PCBP3: variants seen among roughly 807,000 people sequenced by gnomAD.
PCBP3 encodes poly(rC) binding protein 3.
PCBP3 carries 25 observed loss-of-function variants against 52.7 expected under a neutral mutation model. The observed-to-expected ratio is 0.47, with a 90% CI of 0.35 to 0.66. PCBP3 has a LOEUF of 0.66. Ranked by LOEUF, PCBP3 falls within the 30% of genes least tolerant of loss-of-function variation. The pLI is 0.01. For synonymous variants in PCBP3, 162 were observed against 183.0 expected (o/e 0.89, Z 0.93); for missense variants, 391 against 490.3 (o/e 0.80, Z 1.91).
intron 1 of PCBP3, among the ~76,000 whole-genome samples, chr21:45,646,113 G>GTCTCTCTCTCTCTCTC: frequency 8.8e-6 from 1 of 113,864 alleles, no homozygotes; most frequent in South Asian, 3.0e-4. Flanking sequence ...CTCTCTGTGT[G>GTCTCTCTCTCTCTCTC]TGTGTGTGTG....
chr21:45,774,872 T>C (rs1343210872), intron 4 of PCBP3, among the ~76,000 whole-genome samples: 1 of 152,208 alleles, frequency 6.6e-6, no homozygotes. Flanking sequence ...CTCACTTGAT[T>C]ATGGTGTATT....
intron 4 of PCBP3, among the ~76,000 whole-genome samples, chr21:45,823,811 G>C (rs528608739): frequency 2.0e-5 from 3 of 151,902 alleles, no homozygotes; most frequent in South Asian, 2.1e-4. Flanking sequence ...GCATGATCTC[G>C]ACTCACTGCA....
At chr21:45,864,436 A>G (rs954442942) in intron 5 of PCBP3, among the ~76,000 whole-genome samples, 3 of 152,250 alleles carry the variant, frequency 2.0e-5, no homozygotes, top group African/African-American at 7.2e-5. Flanking sequence ...CAGGGAATGC[A>G]TAATACTTCA....
intron 2 of PCBP3, among the ~76,000 whole-genome samples, chr21:45,731,439 A>G (rs1396172719): frequency 1.3e-5 from 2 of 152,204 alleles, no homozygotes; most frequent in African/African-American, 4.8e-5. Context: ...GGTATACAAG[A>G]TGGCAAATAA....
intron 7 of PCBP3, among the ~76,000 whole-genome samples, chr21:45,899,854 A>C (rs2210290): frequency 6.6e-6 from 1 of 152,080 alleles, no homozygotes; most frequent in Non-Finnish European, 1.5e-5. Flanking sequence ...CCAGCTGGTC[A>C]CCTCGCTGCC....
rs919176360 is a variant in PCBP3 at position 45,900,913 on chromosome 21, C to T, written c.223-84C>T. On this transcript the variant is annotated intron_variant, in intron 8 of 17. Coordinates refer to ENST00000681687, the MANE Select transcript of PCBP3 (RefSeq NM_001384156.1). ...AGCGGACAGAGGCATGTGTTTGTGT[C>T]AATTGTCAACGGACTTGCGGCCCCC... 16 of 899,006 alleles carry T rather than the reference C, an allele frequency of 1.8e-5. No homozygotes were observed. In the African/African-American group the frequency reaches 2.3e-4, roughly 13 times the overall value. The allele number at this position is 899,006 out of a possible 1,614,324, so 55.7% of individuals were successfully genotyped here. A position where few individuals can be genotyped will look rare whatever the true frequency, so the allele number is the denominator to read the frequency against.
At chr21:45,857,826 G>A (rs2094359110) in intron 5 of PCBP3, among the ~76,000 whole-genome samples, 1 of 152,224 alleles carries the variant, frequency 6.6e-6, no homozygotes, top group Admixed American at 6.5e-5. Context: ...CTCAAGCCCT[G>A]GTGCTGGCTT....
intron 3 of PCBP3, among the ~76,000 whole-genome samples, chr21:45,738,258 T>C (rs1018658351): frequency 8.0e-6 from 1 of 124,604 alleles, no homozygotes; most frequent in African/African-American, 4.0e-5. Flanking sequence ...CTTCTTAGAG[T>C]TTTTTTTTTT....
intron 5 of PCBP3, chr21:45,871,283 G>A (rs1023311862): frequency 6.2e-6 from 1 of 161,214 alleles, no homozygotes; most frequent in Non-Finnish European, 1.3e-5. Context: ...CAGTGCCCGG[G>A]AGAGACGGGC....
chr21:45,896,251 C>T lies in PCBP3; in HGVS notation c.54C>T (p.Leu18=). ...WAPSVLPHST[L]STLSHHPQPQ... ...CATCTGTCCTTCCTCACAGCACCCT[C>T]AGCACCTTAAGCCACCACCCTCAGC... is the stretch of plus-strand genomic sequence containing the variant. The change falls in exon 6 of 18, where the codon CTC becomes CTT. Residue 18 remains leucine (L), a synonymous_variant. Transcript: ENST00000681687. The T allele has an allele frequency of 6.4e-7, 1 of 1,552,212 alleles. No individual in the cohort carries two copies. The highest frequency in any genetic ancestry group is 8.7e-7 in the Non-Finnish European group (1 of 1,147,108).
intron 4 of PCBP3, among the ~76,000 whole-genome samples, chr21:45,816,933 G>T (rs139409336): frequency 6.6e-6 from 1 of 152,062 alleles, no homozygotes; most frequent in Non-Finnish European, 1.5e-5. Context: ...CACCACAGGC[G>T]TGGGGGGAGC....
chr21:45,828,760 G>C (rs1261105981), intron 4 of PCBP3: 3 of 152,730 alleles, frequency 2.0e-5, no homozygotes, highest in Admixed American at 2.0e-4. Context: ...AGTGGGCCTG[G>C]GAGAGTGTGT....
chr21:45,797,749 A>G (rs2092034375), intron 4 of PCBP3, among the ~76,000 whole-genome samples: 7 of 101,348 alleles, frequency 6.9e-5, no homozygotes, highest in East Asian at 6.3e-4. Flanking sequence ...GGATCCATAG[A>G]GAGAGTGAAT....
rs894949783 is a variant in PCBP3, at chr21:45,737,310, T to A, written c.-162+1881T>A. ...GTGGCTTTAGCTAAAGCTGCTGTAATACCTGTTTCTTAGAGGAATCCAAAT... is the reference window on the plus strand; with the variant it reads ...GTGGCTTTAGCTAAAGCTGCTGTAAAACCTGTTTCTTAGAGGAATCCAAAT... On this transcript the variant is annotated intron_variant, in intron 3 of 17. Transcript: ENST00000681687. This position sits in a 1 kb window ranked among gnomAD's most constrained non-coding sequence, Gnocchi z 4.9. 6.6e-6 allele frequency among the ~76,000 whole-genome samples: 1 copy of A among 152,196 alleles called. No homozygotes were observed. The highest frequency in any genetic ancestry group is 1.5e-5 in the Non-Finnish European group (1 of 68,020).
In PCBP3 at chr21:45,850,036, G is replaced by A. The variant is rs201990643; in HGVS notation, c.-50G>A. The A allele has an allele frequency of 5.3e-4, 799 of 1,518,932 alleles. 1 individual carries two copies. The highest frequency in any genetic ancestry group is 6.6e-4 in the Non-Finnish European group (732 of 1,117,062). 94.1% of individuals were successfully genotyped at this position (1,518,932 alleles called of 1,614,324 possible). A position where few individuals can be genotyped will look rare whatever the true frequency, so the allele number is the denominator to read the frequency against. On this transcript the variant is annotated 5_prime_UTR_variant, in exon 5 of 18. Coordinates refer to ENST00000681687, the MANE Select transcript of PCBP3 (RefSeq NM_001384156.1). The stretch of plus-strand genomic sequence containing the variant: ...GGTTATGATGCTCTGAGTTCAATAC[G>A]TCTGAACCTTTGCTGTCTATGGATC...
At chr21:45,756,019 A>T (rs185203565) in intron 4 of PCBP3, among the ~76,000 whole-genome samples, 5 of 152,292 alleles carry the variant, frequency 3.3e-5, no homozygotes, top group Admixed American at 6.5e-5. Context: ...CACAAAGATT[A>T]TCTCCTGTTT....
intron 4 of PCBP3, among the ~76,000 whole-genome samples, chr21:45,814,548 T>C (rs1398134920): frequency 3.9e-5 from 2 of 50,982 alleles, no homozygotes; most frequent in East Asian, 5.2e-4. Flanking sequence ...GGTGAGTGAG[T>C]GGTGAGTGAT....
At chr21:45,809,340 T>C (rs895888450) in intron 4 of PCBP3, among the ~76,000 whole-genome samples, 2 of 152,212 alleles carry the variant, frequency 1.3e-5, no homozygotes, top group Non-Finnish European at 2.9e-5. Context: ...ACATCAGGGT[T>C]CAGTTAGGAA....
intron 3 of PCBP3, among the ~76,000 whole-genome samples, chr21:45,754,822 TACTC>T (rs2087876753): frequency 6.6e-6 from 1 of 152,222 alleles, no homozygotes; most frequent in Admixed American, 6.5e-5. Flanking sequence ...ATTTAAATAA[TACTC>T]AGTTCAAGGA....
Sources: allele counts gnomAD v4.1 joint callset (sites outside exome capture counted in the v4.1 genomes callset), GRCh38; gene constraint gnomAD v4.1.1; non-coding constraint Gnocchi (gnomAD v3.1); transcripts MANE v1.5; gene names NCBI Gene and HGNC (gene_info 2026-07-23, HGNC 2026-07-21).